Variants in ZNF675 observed in about 807,000 individuals in gnomAD.
The protein encoded by ZNF675 is TRAF6 inhibitory zinc finger.
A neutral mutation model predicts 56.1 loss-of-function variants in ZNF675; 36 were observed. That is an observed-to-expected ratio of 0.64 (90% CI 0.49 to 0.85). ZNF675 has a LOEUF of 0.85. ZNF675 is among the 40% of genes least tolerant of loss of function. ZNF675 has a pLI of 0.00. For synonymous variants in ZNF675, 200 were observed against 218.9 expected (o/e 0.91, Z 0.76); for missense variants, 663 against 654.2 (o/e 1.01, Z -0.15).
intron 1 of ZNF675, among the ~76,000 whole-genome samples, chr19:23,671,728 C>T (rs543832064): frequency 6.6e-6 from 1 of 151,500 alleles, no homozygotes; most frequent in Non-Finnish European, 1.5e-5. Context: ...ATAGTCTAGA[C>T]TAAAAGTTCC....
chr19:23,673,118 C>T (rs990623590), intron 1 of ZNF675, among the ~76,000 whole-genome samples: 2 of 152,180 alleles, frequency 1.3e-5, no homozygotes, highest in African/African-American at 4.8e-5. Flanking sequence ...AGTTTGACAA[C>T]TAAAAGGACC....
At chr19:23,664,143 C>T (rs753693132) in intron 1 of ZNF675, among the ~76,000 whole-genome samples, 2 of 152,138 alleles carry the variant, frequency 1.3e-5, no homozygotes, top group Non-Finnish European at 2.9e-5. Context: ...AAGTACTAAA[C>T]GCATGGCATT....
intron 1 of ZNF675, among the ~76,000 whole-genome samples, chr19:23,678,991 C>A (rs1968338904): frequency 6.6e-6 from 1 of 150,764 alleles, no homozygotes; most frequent in African/African-American, 2.5e-5. Flanking sequence ...ACGGTGAAAC[C>A]CCATCTCTAC....
intron 1 of ZNF675, among the ~76,000 whole-genome samples, chr19:23,671,258 C>A (rs1968223327): frequency 6.6e-6 from 1 of 152,158 alleles, no homozygotes; most frequent in Non-Finnish European, 1.5e-5. Context: ...GGGCCACAGA[C>A]TAACCAAAAC....
intron 1 of ZNF675, among the ~76,000 whole-genome samples, chr19:23,675,267 C>A (rs1459304836): frequency 6.6e-6 from 1 of 151,612 alleles, no homozygotes; most frequent in African/African-American, 2.4e-5. Context: ...TGGGAGGCTA[C>A]AATACACCAC....
At chr19:23,656,489 CAGG>C (rs1385988938) in intron 3 of ZNF675, 1 of 152,002 alleles carries the variant, frequency 6.6e-6, no homozygotes, top group African/African-American at 2.4e-5. Flanking sequence ...CCCAGCTACA[CAGG>C]AGGCTGAGGC....
chr19:23,661,937 T>C lies in ZNF675; in HGVS notation c.226+177A>G, dbSNP rs1051961172. The C allele has an allele frequency of 1.9e-5, 10 of 532,872 alleles. No homozygotes were observed. The Admixed American group carries it at 3.3e-4, about 18-fold the overall frequency. 33.0% of individuals were successfully genotyped at this position (532,872 alleles called of 1,614,324 possible). On this transcript the variant is annotated intron_variant, in intron 3 of 3. Transcript: ENST00000359788. ...AAATGTAAACAGAAACCTTAGAGAATTTAAAAGCATAAGACAGAAAATGCT... is the reference window on the plus strand; with the variant it reads ...AAATGTAAACAGAAACCTTAGAGAACTTAAAAGCATAAGACAGAAAATGCT...
At chr19:23,658,834 T>G (rs2144922952) in intron 3 of ZNF675, among the ~76,000 whole-genome samples, 1 of 145,300 alleles carries the variant, frequency 6.9e-6, no homozygotes, top group African/African-American at 2.6e-5. Context: ...TCTCTATAGA[T>G]ATATAGATAT....
rs573446644 is a variant in ZNF675, at chr19:23,660,784, T to C, written c.226+1330A>G. Among the ~76,000 whole-genome samples the C allele has an allele frequency of 2.5e-4, 38 of 152,152 alleles. 1 individual carries two copies. In the South Asian group the frequency reaches 7.7e-3, roughly 31 times the overall value. On this transcript the variant is annotated intron_variant, in intron 3 of 3. Transcript: ENST00000359788. ...CCAAAATGATCTATAGATTCAAGAC[T>C]CCCTATCAAAATTCCAGTGGCATTT...
chr19:23,661,549 G>C (rs558151092), intron 3 of ZNF675, among the ~76,000 whole-genome samples: 6 of 151,982 alleles, frequency 3.9e-5, no homozygotes, highest in African/African-American at 1.4e-4. Flanking sequence ...AATTAGCCGG[G>C]TGTGGTGGCA....
In ZNF675 at chr19:23,663,021, G is replaced by A. The variant is rs933946220; in HGVS notation, c.130+11C>T. The A allele has an allele frequency of 2.6e-6, 4 of 1,564,828 alleles. No homozygotes were observed. The highest frequency in any genetic ancestry group is 2.8e-5 in the African/African-American group (2 of 71,590). On this transcript the variant is annotated intron_variant, in intron 2 of 3. Transcript: ENST00000359788. ...AAAAAAAAAGAAACTGTGTGTTTAAGTTATCCTTACCCAGGAAGACCAGGT... is the reference window on the plus strand; with the variant it reads ...AAAAAAAAAGAAACTGTGTGTTTAAATTATCCTTACCCAGGAAGACCAGGT...
intron 1 of ZNF675, among the ~76,000 whole-genome samples, chr19:23,684,734 T>G (rs1457056420): frequency 6.6e-6 from 1 of 152,188 alleles, no homozygotes; most frequent in African/African-American, 2.4e-5. Flanking sequence ...CCTGCTCACT[T>G]AAGTGCTCAA....
Position 23,653,824 on chromosome 19 carries a change from C to T in ZNF675, c.1109G>A (p.Cys370Tyr). The change falls in exon 4 of 4, where the codon TGT becomes TAT. Residue 370 changes from cysteine (C) to tyrosine (Y), a missense_variant. Transcript: ENST00000359788. Reference sequence around the variant, plus strand: ...GTTAAAAGCTTTGCCGCATTCCTCACATTTGTAGGGTTGCTCTCCAGTATG... The same window carrying T: ...GTTAAAAGCTTTGCCGCATTCCTCATATTTGTAGGGTTGCTCTCCAGTATG... ...NIHTGEQPYK[C>Y]EECGKAFNRS... is the part of the protein sequence containing the mutation. The T allele has an allele frequency of 6.2e-7, 1 of 1,613,814 alleles. No individual in the cohort carries two copies. Among genetic ancestry groups the T allele is most frequent in the Non-Finnish European group, 8.5e-7 (1 of 1,179,894 alleles).
chr19:23,676,674 C>T (rs972605136), intron 1 of ZNF675, among the ~76,000 whole-genome samples: 1 of 152,014 alleles, frequency 6.6e-6, no homozygotes, highest in East Asian at 1.9e-4. Flanking sequence ...TTATAACCCT[C>T]AACAAACTAG....
At chr19:23,673,777 A>G (rs975029888) in intron 1 of ZNF675, among the ~76,000 whole-genome samples, 1 of 152,230 alleles carries the variant, frequency 6.6e-6, no homozygotes, top group Admixed American at 6.5e-5. Context: ...ACCATGGTGC[A>G]TGTATACCTG....
chr19:23,661,409 G>GA (rs964959290), intron 3 of ZNF675, among the ~76,000 whole-genome samples: 2 of 150,732 alleles, frequency 1.3e-5, no homozygotes, highest in Non-Finnish European at 3.0e-5. Flanking sequence ...AAAAAAAAAG[G>GA]GCGGGGAATA....
At chr19:23,661,330 C>T (rs1371738890) in intron 3 of ZNF675, among the ~76,000 whole-genome samples, 1 of 151,016 alleles carries the variant, frequency 6.6e-6, no homozygotes, top group East Asian at 2.0e-4. Context: ...ATGCCCAGCC[C>T]TTTATAATTT....
chr19:23,683,667 A>C (rs2144801450), intron 1 of ZNF675, among the ~76,000 whole-genome samples: 1 of 152,052 alleles, frequency 6.6e-6, no homozygotes. Context: ...TGATCTGCCC[A>C]CCTCAGTCTT....
At chr19:23,678,409 C>CA (rs1968330129) in intron 1 of ZNF675, among the ~76,000 whole-genome samples, 1 of 150,940 alleles carries the variant, frequency 6.6e-6, no homozygotes, top group Non-Finnish European at 1.5e-5. Flanking sequence ...GCCACCACAC[C>CA]AGGCTAATTT....
Sources: allele counts gnomAD v4.1 joint callset (sites outside exome capture counted in the v4.1 genomes callset), GRCh38; gene constraint gnomAD v4.1.1; transcripts MANE v1.5; gene names NCBI Gene and HGNC (gene_info 2026-07-23, HGNC 2026-07-21).